Variants in STK39 observed in about 807,000 individuals in gnomAD.
The protein encoded by STK39 is STE20/SPS1-related proline-alanine-rich protein kinase.
A neutral mutation model predicts 77.8 loss-of-function variants in STK39; 20 were observed. The ratio of observed to expected loss-of-function variants is 0.26; its 90% CI spans 0.18 to 0.37. STK39 has a LOEUF of 0.37. STK39 is among the 10% of genes least tolerant of loss of function. STK39 has a pLI of 1.00. For missense variants in STK39, 479 were observed against 656.5 expected (o/e 0.73, Z 2.95); for synonymous variants, 246 against 234.1 (o/e 1.05, Z -0.47).
Position 168,107,514 on chromosome 2 carries a change from T to C in STK39, c.1089+22027A>G, listed in dbSNP as rs181472954. On this transcript the variant is annotated intron_variant, in intron 10 of 17. Transcript: ENST00000355999. ...CCATCCTCTGTAAAGCACTTAAATA[T>C]GGAATTAGCTCAAATATCTCTTATC... Among the ~76,000 whole-genome samples, 4 of 152,348 alleles carry C rather than the reference T, an allele frequency of 2.6e-5. No individual in the cohort carries two copies. In the East Asian group the frequency reaches 5.8e-4, roughly 22 times the overall value.
chr2:168,207,556 C>T (rs1157027012), intron 1 of STK39, among the ~76,000 whole-genome samples: 4 of 152,052 alleles, frequency 2.6e-5, no homozygotes, highest in South Asian at 4.1e-4. Flanking sequence ...ACAAAGAATA[C>T]GAAATGTCAG....
At chr2:168,016,637 C>T (rs1684417302) in intron 15 of STK39, among the ~76,000 whole-genome samples, 3 of 152,296 alleles carry the variant, frequency 2.0e-5, no homozygotes, top group Non-Finnish European at 2.9e-5. Context: ...AGAGACTTCA[C>T]GTAATCTGAG....
Position 168,247,332 on chromosome 2 carries a change from G to C in STK39, c.104C>G (p.Pro35Arg). The C allele has an allele frequency of 9.6e-7, 1 of 1,040,926 alleles. No individual in the cohort carries two copies. Among genetic ancestry groups the C allele is most frequent in the Middle Eastern group, 4.5e-4 (1 of 2,228 alleles). The allele number at this position is 1,040,926 out of a possible 1,614,324, so 64.5% of individuals were successfully genotyped here. The change falls in exon 1 of 18, where the codon CCG becomes CGG. Residue 35 changes from proline (P) to arginine (R), a missense_variant. Physicochemically the swap from Pro to Arg is moderately radical, Grantham distance 103. Transcript: ENST00000355999. ...AAAPAAATAAPAPAAPAAPAP... is the reference protein window; with the variant it reads ...AAAPAAATAARAPAAPAAPAP... Reference sequence around the variant, plus strand: ...CGGGGCCGCGGGAGCTGCCGGGGCCGGCGCTGCTGTCGCGGCCGCCGGGGC... The same window carrying C: ...CGGGGCCGCGGGAGCTGCCGGGGCCCGCGCTGCTGTCGCGGCCGCCGGGGC...
chr2:168,215,393 C>T (rs1271563320), intron 1 of STK39, among the ~76,000 whole-genome samples: 1 of 152,166 alleles, frequency 6.6e-6, no homozygotes, highest in African/African-American at 2.4e-5. Context: ...CCCGTGACCA[C>T]CTGGCCTGGC....
chr2:168,246,984 T>A (rs1388018253), intron 1 of STK39, among the ~76,000 whole-genome samples: 1 of 148,452 alleles, frequency 6.7e-6, no homozygotes, highest in Non-Finnish European at 1.5e-5. Flanking sequence ...ATGCGGCTCG[T>A]CTGCAGTGCG....
At chr2:168,239,249 AAGAG>A (rs1217212744) in intron 1 of STK39, among the ~76,000 whole-genome samples, 1 of 152,174 alleles carries the variant, frequency 6.6e-6, no homozygotes, top group African/African-American at 2.4e-5. Context: ...CATGAACAGC[AAGAG>A]AGAGAGATCA....
chr2:168,014,997 G>A (rs1022235370), intron 15 of STK39, among the ~76,000 whole-genome samples: 1 of 152,186 alleles, frequency 6.6e-6, no homozygotes, highest in African/African-American at 2.4e-5. Flanking sequence ...AACAGGTACC[G>A]CTGGCTGATC....
At chr2:168,009,964 T>C (rs1399917424) in intron 16 of STK39, among the ~76,000 whole-genome samples, 4 of 152,232 alleles carry the variant, frequency 2.6e-5, no homozygotes, top group African/African-American at 9.6e-5. Context: ...TTCCTAACTT[T>C]AGCTGAGCCT....
chr2:168,057,379 G>A (rs1685552151), intron 14 of STK39, among the ~76,000 whole-genome samples: 1 of 152,150 alleles, frequency 6.6e-6, no homozygotes, highest in Admixed American at 6.5e-5. Flanking sequence ...TTTTAGTAGA[G>A]ACAGGGTTTC....
intron 16 of STK39, among the ~76,000 whole-genome samples, chr2:167,994,257 T>A (rs1268202296): frequency 6.6e-6 from 1 of 152,206 alleles, no homozygotes; most frequent in Non-Finnish European, 1.5e-5. Context: ...TCAATTACCA[T>A]CTTCCTGGCT....
In STK39 at chr2:168,163,720, A is replaced by G; in HGVS notation, c.572+19T>C. 4 of 1,613,534 alleles carry G rather than the reference A, an allele frequency of 2.5e-6. No individual in the cohort carries two copies. In the South Asian group the frequency reaches 4.4e-5, roughly 18 times the overall value. Reference sequence around the variant, plus strand: ...AAGATATGAACATCTGAATTTAAACATCTCTGCAGAGGTCATACCTGTGAA... The same window carrying G: ...AAGATATGAACATCTGAATTTAAACGTCTCTGCAGAGGTCATACCTGTGAA... On this transcript the variant is annotated intron_variant, in intron 4 of 17. Transcript: ENST00000355999.
chr2:167,987,488 AAT>A (rs142303168), intron 16 of STK39, among the ~76,000 whole-genome samples: 1 of 151,790 alleles, frequency 6.6e-6, no homozygotes, highest in African/African-American at 2.4e-5. Context: ...CTGGGACAAA[AAT>A]ATATATATAT....
intron 1 of STK39, among the ~76,000 whole-genome samples, chr2:168,218,195 C>G (rs1053968116): frequency 6.6e-6 from 1 of 152,220 alleles, no homozygotes; most frequent in African/African-American, 2.4e-5. Flanking sequence ...TAACCCCACA[C>G]TCTAACAAAG....
chr2:168,001,909 T>C lies in STK39; in HGVS notation c.1498+10725A>G, dbSNP rs114129736. Among the ~76,000 whole-genome samples, 353 of 152,366 alleles carry C rather than the reference T, an allele frequency of 2.3e-3. 5 individuals are homozygous for C. The highest frequency in any genetic ancestry group is 6.8e-3 in the Middle Eastern group (2 of 294). On this transcript the variant is annotated intron_variant, in intron 16 of 17. Transcript: ENST00000355999. Reference sequence around the variant, plus strand: ...AAAGACTAGGTTTCCTGCACCAAAGTAAGCCTACTTTACTTCCACTAGAAA... The same window carrying C: ...AAAGACTAGGTTTCCTGCACCAAAGCAAGCCTACTTTACTTCCACTAGAAA...
chr2:168,173,146 C>T (rs1287002716), intron 2 of STK39, among the ~76,000 whole-genome samples: 1 of 152,176 alleles, frequency 6.6e-6, no homozygotes, highest in Non-Finnish European at 1.5e-5. Flanking sequence ...CGTTTCCCCA[C>T]TGCAATGTAA....
intron 1 of STK39, among the ~76,000 whole-genome samples, chr2:168,224,006 G>T (rs1209860357): frequency 6.6e-6 from 1 of 151,830 alleles, no homozygotes; most frequent in African/African-American, 2.4e-5. Flanking sequence ...TTTTTCTTTT[G>T]TCATGTATTA....
chr2:168,012,674 G>A lies in STK39; in HGVS notation c.1458C>T (p.Leu486=). Residue 486 remains leucine, a synonymous_variant, in exon 16 of 18, where the codon CTC becomes CTT. Coordinates refer to ENST00000355999, the MANE Select transcript of STK39 (RefSeq NM_013233.3). ...RDTADGVSQE[L]FSAGLVDGHD... is the part of the protein sequence containing the mutation. ...GACCATCCACCAAGCCAGCAGAGAA[G>A]AGCTCCTGAGATACACCATCTGCTG... 6.2e-7 allele frequency: 1 copy of A among 1,613,706 alleles called. No individual in the cohort carries two copies.
At chr2:168,076,103 C>G (rs572168306) in intron 10 of STK39, among the ~76,000 whole-genome samples, 1 of 152,184 alleles carries the variant, frequency 6.6e-6, no homozygotes, top group Non-Finnish European at 1.5e-5. Context: ...AGCACTGTAG[C>G]AGATGAACAT....
intron 8 of STK39, among the ~76,000 whole-genome samples, chr2:168,136,662 T>C (rs1687850414): frequency 6.6e-6 from 1 of 152,198 alleles, no homozygotes; most frequent in Admixed American, 6.5e-5. Context: ...TGCTGGGCTA[T>C]GAAGGATCAA....
Sources: allele counts gnomAD v4.1 joint callset (sites outside exome capture counted in the v4.1 genomes callset), GRCh38; gene constraint gnomAD v4.1.1; transcripts MANE v1.5; gene names NCBI Gene and HGNC (gene_info 2026-07-23, HGNC 2026-07-21).